CDH13: variants seen among roughly 807,000 people sequenced by gnomAD.
CDH13 encodes cadherin 13, also known as cadherin-13.
A neutral mutation model predicts 63.8 loss-of-function variants in CDH13; 24 were observed. The ratio of observed to expected loss-of-function variants is 0.38; its 90% CI spans 0.27 to 0.53. The LOEUF (loss-of-function observed/expected upper bound fraction) is 0.53. CDH13 is among the 20% of genes least tolerant of loss of function. The pLI, the probability that CDH13 is intolerant of heterozygous loss-of-function variation, is 0.85. For synonymous variants in CDH13, 503 were observed against 355.3 expected (o/e 1.42, Z -4.67); for missense variants, 1,049 against 903.1 (o/e 1.16, Z -2.07).
chr16:82,639,981 C>A (rs776424647), intron 1 of CDH13, among the ~76,000 whole-genome samples: 1 of 152,200 alleles, frequency 6.6e-6, no homozygotes, highest in Non-Finnish European at 1.5e-5. Flanking sequence ...TGGGGGAAGA[C>A]AATATCTCAA....
At chr16:83,682,790 A>G (rs1915511918) in intron 10 of CDH13, among the ~76,000 whole-genome samples, 1 of 152,010 alleles carries the variant, frequency 6.6e-6, no homozygotes, top group Non-Finnish European at 1.5e-5. Flanking sequence ...CACATTAGTC[A>G]CCAGGCCCTC....
intron 1 of CDH13, among the ~76,000 whole-genome samples, chr16:82,631,692 C>A (rs1346741883): frequency 2.0e-5 from 3 of 152,218 alleles, no homozygotes; most frequent in South Asian, 4.1e-4. Context: ...GGATCTCTTG[C>A]TCCTGCAGTA....
Position 82,768,859 on chromosome 16 carries a change from G to T in CDH13, c.46-89503G>T, listed in dbSNP as rs181047692. On this transcript the variant is annotated intron_variant, in intron 1 of 13. Transcript: ENST00000567109. ...GAAGATCAGAAGCAATTCTGTGTCC[G>T]CAGGCTCCCTTTCACACCTTTAATA... 5.7e-4 allele frequency among the ~76,000 whole-genome samples: 87 copies of T among 152,252 alleles called. 1 individual carries two copies. The East Asian group carries it at 0.015, about 27-fold the overall frequency.
intron 1 of CDH13, among the ~76,000 whole-genome samples, chr16:82,672,974 G>A (rs1239444223): frequency 1.6e-5 from 2 of 125,544 alleles, no homozygotes; most frequent in African/African-American, 2.9e-5. Context: ...GTGCCACCAT[G>A]TATGGCTAAT....
intron 3 of CDH13, among the ~76,000 whole-genome samples, chr16:83,103,986 C>T (rs984807107): frequency 2.0e-5 from 3 of 152,208 alleles, no homozygotes; most frequent in African/African-American, 7.2e-5. Flanking sequence ...TGACAATTTT[C>T]TCTTGGTCCC....
chr16:83,652,049 C>T (rs184077297), intron 8 of CDH13, among the ~76,000 whole-genome samples: 5 of 152,312 alleles, frequency 3.3e-5, no homozygotes, highest in African/African-American at 4.8e-5. Flanking sequence ...CCCAAGGGAA[C>T]GATTCTCATC....
At chr16:83,521,421 G>A (rs550493584) in intron 7 of CDH13, among the ~76,000 whole-genome samples, 1 of 152,038 alleles carries the variant, frequency 6.6e-6, no homozygotes, top group Non-Finnish European at 1.5e-5. Context: ...TAGCGGCCAG[G>A]TGACCTTTAG....
intron 8 of CDH13, among the ~76,000 whole-genome samples, chr16:83,628,034 G>T (rs529454523): frequency 6.6e-6 from 1 of 152,108 alleles, no homozygotes; most frequent in South Asian, 2.1e-4. Flanking sequence ...CAGTGAGGAC[G>T]ACTGGAGGTC....
chr16:83,419,034 A>G (rs562427966), intron 6 of CDH13, among the ~76,000 whole-genome samples: 2 of 152,226 alleles, frequency 1.3e-5, no homozygotes, highest in South Asian at 4.2e-4. Flanking sequence ...GTTTTCTCAA[A>G]CAGCCAAGCA....
chr16:83,722,994 A>G (rs1290466517), intron 10 of CDH13, among the ~76,000 whole-genome samples: 1 of 152,194 alleles, frequency 6.6e-6, no homozygotes, highest in Non-Finnish European at 1.5e-5. Flanking sequence ...GTGACCTTCT[A>G]GTTTCACAGT....
At chr16:82,664,525 C>A (rs1332168706) in intron 1 of CDH13, among the ~76,000 whole-genome samples, 2 of 152,192 alleles carry the variant, frequency 1.3e-5, no homozygotes, top group Non-Finnish European at 2.9e-5. Context: ...AAATAAGACA[C>A]CAGTGTGCCT....
chr16:83,435,159 G>T (rs1463883811), intron 6 of CDH13, among the ~76,000 whole-genome samples: 3 of 151,696 alleles, frequency 2.0e-5, no homozygotes, highest in African/African-American at 7.3e-5. Flanking sequence ...TGATTCTCCT[G>T]CCTCAGCCAC....
chr16:83,087,407 C>T (rs575705782), intron 3 of CDH13, among the ~76,000 whole-genome samples: 4 of 152,168 alleles, frequency 2.6e-5, no homozygotes, highest in South Asian at 4.2e-4. Flanking sequence ...CGGTGGCTCA[C>T]GCCTGTAATC....
intron 2 of CDH13, among the ~76,000 whole-genome samples, chr16:82,861,577 CT>C (rs2039946986): frequency 6.6e-6 from 1 of 151,998 alleles, no homozygotes; most frequent in African/African-American, 2.4e-5. Context: ...TTTCATCTTC[CT>C]CCTCAATTTT....
intron 6 of CDH13, among the ~76,000 whole-genome samples, chr16:83,483,389 G>T (rs377570671): frequency 1.3e-5 from 2 of 151,878 alleles, no homozygotes; most frequent in South Asian, 2.1e-4. Flanking sequence ...GTTACATCAT[G>T]TTATCCAACC....
At chr16:82,884,130 T>G in intron 2 of CDH13, 2 of 453,368 alleles carry the variant, frequency 4.4e-6, no homozygotes, top group Non-Finnish European at 4.4e-6. Flanking sequence ...ATTGAATGCA[T>G]GTCTGCATGC....
intron 7 of CDH13, among the ~76,000 whole-genome samples, chr16:83,563,880 T>C (rs899430008): frequency 6.6e-6 from 1 of 152,206 alleles, no homozygotes; most frequent in African/African-American, 2.4e-5. Context: ...TGGGTCGTTT[T>C]GTTTATTCCG....
At chr16:83,386,494 A>G (rs1005092337) in intron 6 of CDH13, among the ~76,000 whole-genome samples, 3 of 152,222 alleles carry the variant, frequency 2.0e-5, no homozygotes, top group Admixed American at 2.0e-4. Context: ...ACTAAAAGCC[A>G]TATATAAAAG....
chr16:83,259,267 C>G (rs1906669735), intron 5 of CDH13, among the ~76,000 whole-genome samples: 1 of 152,188 alleles, frequency 6.6e-6, no homozygotes, highest in African/African-American at 2.4e-5. Context: ...TAATGAGAAT[C>G]TGGTATCCAC....
Sources: gnomAD v4.1 joint callset for allele counts (sites outside exome capture counted in the v4.1 genomes callset) on GRCh38, gnomAD v4.1.1 for gene constraint, MANE v1.5 for transcripts, NCBI Gene and HGNC (gene_info 2026-07-23, HGNC 2026-07-21) for gene names.